Variants in WWOX observed in about 807,000 individuals in gnomAD.
WWOX encodes WW domain-containing oxidoreductase.
A neutral mutation model predicts 46.2 loss-of-function variants in WWOX; 69 were observed. The observed-to-expected ratio is 1.49, with a 90% CI of 1.23 to 1.82. The LOEUF is 1.82. Ranked by LOEUF, WWOX falls within the 40% of genes most tolerant of loss-of-function variation. The pLI, the probability that WWOX is intolerant of heterozygous loss-of-function variation, is 0.00. For missense variants in WWOX, 919 were observed against 542.6 expected (o/e 1.69, Z -6.89); for synonymous variants, 359 against 202.6 (o/e 1.77, Z -6.56).
At chr16:78,499,566 C>T (rs12598561) in intron 8 of WWOX, among the ~76,000 whole-genome samples, 3,891 of 152,334 alleles carry the variant, frequency 0.026, 170 homozygotes, top group East Asian at 0.16. Context: ...GGGCGGTGGA[C>T]GGGCTTCCTG....
chr16:78,639,254 G>A (rs981805638), intron 8 of WWOX, among the ~76,000 whole-genome samples: 11 of 152,180 alleles, frequency 7.2e-5, no homozygotes, highest in Admixed American at 4.6e-4. Flanking sequence ...GACACATGCA[G>A]TGTGGGCCCA....
chr16:79,022,858 C>A (rs985552606), intron 8 of WWOX, among the ~76,000 whole-genome samples: 1 of 152,192 alleles, frequency 6.6e-6, no homozygotes, highest in Non-Finnish European at 1.5e-5. Flanking sequence ...CTGTGCTTTG[C>A]ACTTTCTGGC....
chr16:79,176,090 A>G (rs1031194830), intron 8 of WWOX, among the ~76,000 whole-genome samples: 30 of 152,306 alleles, frequency 2.0e-4, no homozygotes, highest in Non-Finnish European at 2.1e-4. Context: ...AGTGACCCCT[A>G]TATGGATTGT....
chr16:79,000,518 A>G (rs79569775), intron 8 of WWOX, among the ~76,000 whole-genome samples: 4,602 of 152,234 alleles, frequency 0.03, 82 homozygotes, highest in Middle Eastern at 0.048. Flanking sequence ...AGTAAAGAGG[A>G]CTTGGCCTGA....
chr16:79,111,038 G>A (rs867171161), intron 8 of WWOX, among the ~76,000 whole-genome samples: 8 of 152,050 alleles, frequency 5.3e-5, no homozygotes, highest in Admixed American at 4.6e-4. Context: ...AGATGTAATC[G>A]ACCAGCAGAG....
chr16:78,780,147 C>G (rs897818303), intron 8 of WWOX, among the ~76,000 whole-genome samples: 1 of 152,112 alleles, frequency 6.6e-6, no homozygotes, highest in Admixed American at 6.5e-5. Context: ...TGGGGTAATG[C>G]TATGGTCACC....
chr16:78,124,152 TTATA>T lies in WWOX; in HGVS notation c.409+9001_409+9004del, dbSNP rs372134195. Reference sequence around the variant, plus strand: ...TGGGGACAAAAACGAATATGCTATATTATATACTTTTATTTATATAATTTTTTTT... The same window carrying T: ...TGGGGACAAAAACGAATATGCTATATTACTTTTATTTATATAATTTTTTTT... On this transcript the variant is annotated intron_variant, in intron 4 of 8. Transcript: ENST00000566780. The T allele has an allele frequency of 4.3e-3, 649 of 152,310 alleles. 1 individual carries two copies. Among genetic ancestry groups the T allele is most frequent in the African/African-American group, 0.015 (625 of 41,562 alleles). The allele number at this position is 152,310 out of a possible 1,614,324, so 9.4% of individuals were successfully genotyped here. A position where few individuals can be genotyped will look rare whatever the true frequency, so the allele number is the denominator to read the frequency against.
intron 5 of WWOX, among the ~76,000 whole-genome samples, chr16:78,209,948 G>A: frequency 6.6e-6 from 1 of 152,072 alleles, no homozygotes; most frequent in Middle Eastern, 3.4e-3. Context: ...TTGCCACACA[G>A]GGAATGAAAA....
At chr16:78,305,087 C>T (rs1486377159) in intron 5 of WWOX, among the ~76,000 whole-genome samples, 1 of 152,122 alleles carries the variant, frequency 6.6e-6, no homozygotes, top group Admixed American at 6.6e-5. Flanking sequence ...AATCTGAATT[C>T]TGTCTTTTCT....
intron 8 of WWOX, among the ~76,000 whole-genome samples, chr16:78,943,327 A>T (rs200202732): frequency 1.2e-4 from 18 of 152,280 alleles, no homozygotes; most frequent in Middle Eastern, 3.4e-3. Context: ...GCAACCCGAG[A>T]TCCAAACCCT....
At chr16:78,406,233 G>A (rs2082528927) in intron 6 of WWOX, among the ~76,000 whole-genome samples, 1 of 137,262 alleles carries the variant, frequency 7.3e-6, no homozygotes, top group Admixed American at 8.1e-5. Flanking sequence ...ATCCTTTATA[G>A]GACTATTTGT....
chr16:79,188,737 A>G (rs2051069263), intron 8 of WWOX, among the ~76,000 whole-genome samples: 1 of 152,158 alleles, frequency 6.6e-6, no homozygotes. Flanking sequence ...GCGAATTGCC[A>G]CCTTTATTTC....
intron 8 of WWOX, among the ~76,000 whole-genome samples, chr16:79,037,113 A>C (rs1439374709): frequency 6.6e-6 from 1 of 152,154 alleles, no homozygotes; most frequent in Non-Finnish European, 1.5e-5. Context: ...AATGGTTTTC[A>C]GTTTGTAATC....
chr16:78,392,804 T>C (rs563860236), intron 6 of WWOX, among the ~76,000 whole-genome samples: 1 of 152,260 alleles, frequency 6.6e-6, no homozygotes, highest in East Asian at 1.9e-4. Flanking sequence ...AAGCCAGTTT[T>C]CTTCAGGCCC....
intron 8 of WWOX, among the ~76,000 whole-genome samples, chr16:78,463,981 T>A (rs1313920878): frequency 6.6e-6 from 1 of 152,084 alleles, no homozygotes; most frequent in Non-Finnish European, 1.5e-5. Flanking sequence ...GGAACAGAAG[T>A]CTTAGGTTGT....
intron 5 of WWOX, among the ~76,000 whole-genome samples, chr16:78,187,496 G>A (rs1241024410): frequency 6.6e-6 from 1 of 152,112 alleles, no homozygotes; most frequent in African/African-American, 2.4e-5. Context: ...CCACCTACTT[G>A]GGAGGCTAAG....
intron 8 of WWOX, among the ~76,000 whole-genome samples, chr16:78,669,700 T>C (rs969440023): frequency 6.6e-6 from 1 of 152,208 alleles, no homozygotes; most frequent in African/African-American, 2.4e-5. Context: ...AGCTAAAAAC[T>C]AGTTACAGTT....
chr16:79,208,510 T>C (rs1342052364), intron 8 of WWOX, among the ~76,000 whole-genome samples: 3 of 152,264 alleles, frequency 2.0e-5, no homozygotes, highest in East Asian at 1.9e-4. Context: ...AGATATTTTA[T>C]AACGGAGTTG....
chr16:78,755,221 A>G (rs1389005715), intron 8 of WWOX, among the ~76,000 whole-genome samples: 1 of 136,840 alleles, frequency 7.3e-6, no homozygotes, highest in Admixed American at 7.5e-5. Flanking sequence ...GAAAGGAAAA[A>G]AAAAAGTTTC....
Sources: gnomAD v4.1 joint callset for allele counts (sites outside exome capture counted in the v4.1 genomes callset) on GRCh38, gnomAD v4.1.1 for gene constraint, MANE v1.5 for transcripts, NCBI Gene and HGNC (gene_info 2026-07-23, HGNC 2026-07-21) for gene names.